The following SRGAP1 variants were observed in gnomAD, a reference collection of about 807,000 sequenced individuals.
SRGAP1 encodes SLIT-ROBO Rho GTPase activating protein 1.
Under a neutral mutation model 121.9 loss-of-function variants are expected in SRGAP1, and 43 were observed. That is an observed-to-expected ratio of 0.35 (90% CI 0.28 to 0.46). The LOEUF is 0.46. SRGAP1 is among the 20% of genes least tolerant of loss of function. The pLI, the probability that SRGAP1 is intolerant of heterozygous loss-of-function variation, is 1.00. For missense variants in SRGAP1, 1,102 were observed against 1,350.9 expected (o/e 0.82, Z 2.89); for synonymous variants, 447 against 485.4 (o/e 0.92, Z 1.04).
At chr12:64,067,746 AC>A (rs1283596202) in intron 8 of SRGAP1, among the ~76,000 whole-genome samples, 2 of 152,154 alleles carry the variant, frequency 1.3e-5, no homozygotes, top group Non-Finnish European at 2.9e-5. Context: ...TTGGGGATGA[AC>A]TGATGGAGAA....
chr12:64,047,446 C>A (rs2035153109), intron 6 of SRGAP1, among the ~76,000 whole-genome samples: 1 of 152,094 alleles, frequency 6.6e-6, no homozygotes, highest in Admixed American at 6.6e-5. Context: ...TAGCGAAGTA[C>A]ATCTTATACT....
At chr12:64,091,931 A>G in intron 12 of SRGAP1, 1 of 1,535,534 alleles carries the variant, frequency 6.5e-7, no homozygotes, top group African/African-American at 1.4e-5. Flanking sequence ...CATCAGGTAT[A>G]GTGCTAGAGG....
intron 1 of SRGAP1, among the ~76,000 whole-genome samples, chr12:63,916,387 C>G (rs1234975762): frequency 6.6e-6 from 1 of 152,114 alleles, no homozygotes; most frequent in Non-Finnish European, 1.5e-5. Flanking sequence ...TTTGAGACAC[C>G]TTTAGGTGGG....
rs549810265 is a variant in SRGAP1, at chr12:64,131,266, T to C, written c.2880+3066T>C. 9.8e-5 allele frequency among the ~76,000 whole-genome samples: 15 copies of C among 152,336 alleles called. No homozygotes were observed. The South Asian group carries it at 2.5e-3, about 25-fold the overall frequency. ...AAATATCTTCACAGTTTTTGACCAC[T>C]CAGAGAGGTCCATCCACATACCTCT... On this transcript the variant is annotated intron_variant, in intron 21 of 21. Transcript: ENST00000355086.
intron 3 of SRGAP1, among the ~76,000 whole-genome samples, chr12:63,994,077 C>G (rs1385142714): frequency 6.6e-6 from 1 of 152,114 alleles, no homozygotes; most frequent in Non-Finnish European, 1.5e-5. Flanking sequence ...AAATACGCCT[C>G]AGTTTCTGCA....
Position 64,143,019 on chromosome 12 carries a change from C to G in SRGAP1, c.*347C>G, listed in dbSNP as rs148528973. On this transcript the variant is annotated 3_prime_UTR_variant, in exon 22 of 22. Transcript: ENST00000355086. ...CCCAGCTGAGTCAGAAAGGTTGTGACCTGAAGGCAGAAGAACCCGAATGCC... is the reference window on the plus strand; with the variant it reads ...CCCAGCTGAGTCAGAAAGGTTGTGAGCTGAAGGCAGAAGAACCCGAATGCC... 2 of 235,858 alleles carry G rather than the reference C, an allele frequency of 8.5e-6. No homozygotes were observed. Among genetic ancestry groups the G allele is most frequent in the African/African-American group, 4.5e-5 (2 of 44,770 alleles). The allele number at this position is 235,858 out of a possible 1,614,324, so 14.6% of individuals were successfully genotyped here. A position where few individuals can be genotyped will look rare whatever the true frequency, so the allele number is the denominator to read the frequency against.
At chr12:64,105,264 T>TA (rs2036325737) in intron 15 of SRGAP1, among the ~76,000 whole-genome samples, 1 of 152,226 alleles carries the variant, frequency 6.6e-6, no homozygotes, top group Non-Finnish European at 1.5e-5. Context: ...GGCTGAATAA[T>TA]ACTGCATTGT....
intron 1 of SRGAP1, among the ~76,000 whole-genome samples, chr12:63,926,401 G>C (rs1413908281): frequency 6.6e-6 from 1 of 152,184 alleles, no homozygotes; most frequent in East Asian, 1.9e-4. Context: ...TGAAGGCTCA[G>C]AGAGGTGAAG....
chr12:63,974,277 A>G (rs1364316141), intron 1 of SRGAP1, among the ~76,000 whole-genome samples: 1 of 152,192 alleles, frequency 6.6e-6, no homozygotes, highest in Non-Finnish European at 1.5e-5. Flanking sequence ...TTATCTAAAA[A>G]TGTTATGTAG....
At chr12:63,998,619 C>T (rs978428089) in intron 3 of SRGAP1, among the ~76,000 whole-genome samples, 1 of 152,148 alleles carries the variant, frequency 6.6e-6, no homozygotes, top group African/African-American at 2.4e-5. Context: ...AAATTGCTCT[C>T]AGGATTATTT....
intron 1 of SRGAP1, among the ~76,000 whole-genome samples, chr12:63,930,363 C>T (rs1041748078): frequency 6.9e-6 from 1 of 144,096 alleles, no homozygotes; most frequent in Non-Finnish European, 1.5e-5. Flanking sequence ...GGGGAGCCCT[C>T]TTTTTATTCA....
intron 1 of SRGAP1, among the ~76,000 whole-genome samples, chr12:63,873,231 A>G (rs1378940063): frequency 1.3e-5 from 2 of 152,138 alleles, no homozygotes; most frequent in Non-Finnish European, 2.9e-5. Flanking sequence ...TTTCTAGATT[A>G]GAAAACTGAG....
At chr12:64,123,616 T>C (rs771477627) in intron 18 of SRGAP1, among the ~76,000 whole-genome samples, 1 of 151,838 alleles carries the variant, frequency 6.6e-6, no homozygotes, top group Non-Finnish European at 1.5e-5. Context: ...TAACATATAA[T>C]CTAAAAGTTT....
intron 1 of SRGAP1, among the ~76,000 whole-genome samples, chr12:63,883,892 T>C (rs1223692674): frequency 1.3e-5 from 2 of 150,920 alleles, no homozygotes; most frequent in African/African-American, 4.9e-5. Context: ...TCTCCTGACG[T>C]CGTGATCCGC....
intron 1 of SRGAP1, among the ~76,000 whole-genome samples, chr12:63,884,090 C>G (rs190559219): frequency 6.6e-6 from 1 of 151,248 alleles, no homozygotes; most frequent in Admixed American, 6.6e-5. Context: ...TGAGACCAGC[C>G]GGGCCAACAT....
chr12:64,102,108 TATC>T (rs1438405487), intron 15 of SRGAP1, among the ~76,000 whole-genome samples: 1 of 152,226 alleles, frequency 6.6e-6, no homozygotes, highest in Non-Finnish European at 1.5e-5. Flanking sequence ...ACAATACCAT[TATC>T]ATACCCTTAA....
At chr12:63,909,135 G>A (rs544102399) in intron 1 of SRGAP1, among the ~76,000 whole-genome samples, 13 of 152,154 alleles carry the variant, frequency 8.5e-5, no homozygotes, top group East Asian at 3.9e-4. Context: ...TGATCCACTC[G>A]CCTCAGCCTC....
intron 1 of SRGAP1, among the ~76,000 whole-genome samples, chr12:63,886,085 G>C (rs562423681): frequency 6.6e-6 from 1 of 152,032 alleles, no homozygotes; most frequent in Non-Finnish European, 1.5e-5. Flanking sequence ...TTTGGAGACC[G>C]AGTCTCACTC....
chr12:63,990,453 AC>A (rs2033523504), intron 3 of SRGAP1, among the ~76,000 whole-genome samples: 1 of 152,146 alleles, frequency 6.6e-6, no homozygotes, highest in South Asian at 2.1e-4. Context: ...AATCACTTGA[AC>A]CCAGGAGGCG....
Sources: gnomAD v4.1 joint callset for allele counts (sites outside exome capture counted in the v4.1 genomes callset) on GRCh38, gnomAD v4.1.1 for gene constraint, MANE v1.5 for transcripts, NCBI Gene and HGNC (gene_info 2026-07-23, HGNC 2026-07-21) for gene names.